DNAJC7: variants seen among roughly 807,000 people sequenced by gnomAD.
DNAJC7 encodes the protein dnaJ homolog subfamily C member 7.
In DNAJC7, 18 loss-of-function variants were observed where a neutral mutation model predicts 67.4. The ratio of observed to expected loss-of-function variants is 0.27; its 90% CI spans 0.18 to 0.40. DNAJC7 has a LOEUF of 0.40. Among genes scored for constraint, DNAJC7 ranks in the 10% least tolerant of loss-of-function variants. The pLI is 1.00. For synonymous variants in DNAJC7, 220 were observed against 207.8 expected, an observed-to-expected ratio of 1.06 and a Z score of -0.50; for missense variants, 419 against 613.8, an observed-to-expected ratio of 0.68 and a Z score of 3.35.
intron 4 of DNAJC7, 52 bp downstream of exon 4, chr17:41,996,259 T>TC: frequency 6.3e-7 from 1 of 1,585,704 alleles, no homozygotes; most frequent in East Asian, 2.2e-5. Context: ...TAGCCACTCC[T>TC]CCCAAATATA....
chr17:42,005,357 A>G (rs191146314), intron 1 of DNAJC7, among the ~76,000 whole-genome samples: 2 of 152,362 alleles, frequency 1.3e-5, no homozygotes, highest in Admixed American at 1.3e-4. Context: ...CCCAAATTAG[A>G]TGCCCTATAA....
chr17:42,008,601 G>A (rs567269810), intron 1 of DNAJC7, among the ~76,000 whole-genome samples: 1 of 151,954 alleles, frequency 6.6e-6, no homozygotes, highest in Admixed American at 6.6e-5. Flanking sequence ...TAGTAGAGAC[G>A]GGGTTTCACC....
intron 1 of DNAJC7, among the ~76,000 whole-genome samples, chr17:42,006,795 T>TAAAAAAAA (rs1555650363): frequency 1.1e-3 from 2 of 1,774 alleles, no homozygotes; most frequent in East Asian, 8.9e-3. Context: ...AGACTCCGTC[T>TAAAAAAAA]CAAAAAAAAA....
At chr17:41,982,480 G>T in intron 10 of DNAJC7, 79 bp from the exon 11 acceptor site, 1 of 1,540,374 alleles carries the variant, frequency 6.5e-7, no homozygotes, top group Non-Finnish European at 8.8e-7. Context: ...AGCTGCCTGG[G>T]AGTTAGAGGC....
intron 2 of DNAJC7, 83 bp downstream of exon 2, chr17:42,000,399 G>A (rs1224240560): frequency 1.6e-5 from 17 of 1,030,464 alleles, no homozygotes; most frequent in East Asian, 1.0e-4. Context: ...GATTACAGGC[G>A]TGAGCCACCA....
At position 42,017,348 on chromosome 17, in the gene DNAJC7, C is replaced by T. The variant is rs2052332858; in HGVS notation, c.69G>A (p.Glu23=). 1.1e-5 allele frequency: 18 copies of T among 1,611,860 alleles called. 1 individual carries two copies. The highest frequency in any genetic ancestry group is 1.4e-5 in the Non-Finnish European group (16 of 1,179,890). Residue 23 remains glutamate (E), a synonymous_variant, in exon 1 of 14, where the codon GAG becomes GAA. Transcript: ENST00000457167. ...ATEPELLDDQ[E]AKREAETFKE... ...CCCTGCTACCCGGTTACCTCTTCGC[C>T]TCTTGGTCGTCGAGCAGCTCCGGCT...
At chr17:41,986,530 C>CTTT (rs74268062) in intron 9 of DNAJC7, among the ~76,000 whole-genome samples, 2 of 128,692 alleles carry the variant, frequency 1.6e-5, no homozygotes, top group Non-Finnish European at 3.3e-5. Context: ...CTCCCCCCGC[C>CTTT]TTTTTTTTTT....
chr17:41,992,285 G>A (rs2051529214), intron 5 of DNAJC7, among the ~76,000 whole-genome samples: 1 of 152,108 alleles, frequency 6.6e-6, no homozygotes, highest in Admixed American at 6.6e-5. Context: ...CAATTCTCCT[G>A]CCTTTGCCCT....
chr17:41,976,853 AG>A, intron 13 of DNAJC7, 83 bp from the exon 14 acceptor site: 1 of 1,538,108 alleles, frequency 6.5e-7, no homozygotes, highest in Non-Finnish European at 8.8e-7. Context: ...AAAGTCTTCA[AG>A]GGCTGCTTCA....
intron 12 of DNAJC7, chr17:41,977,526 A>G (rs1555645180): frequency 6.3e-6 from 3 of 473,786 alleles, no homozygotes; most frequent in East Asian, 3.6e-5. Context: ...CTCCTAGGAC[A>G]TGTTCCCTTC....
At chr17:42,009,402 A>T (rs1370687973) in intron 1 of DNAJC7, among the ~76,000 whole-genome samples, 1 of 152,254 alleles carries the variant, frequency 6.6e-6, no homozygotes, top group Non-Finnish European at 1.5e-5. Context: ...AGGGACGGAC[A>T]CCAGCCAGCA....
At chr17:42,016,745 A>C (rs1321387968) in intron 1 of DNAJC7, 1 of 174,280 alleles carries the variant, frequency 5.7e-6, no homozygotes, top group Non-Finnish European at 1.2e-5. Flanking sequence ...ACAGGGGAAG[A>C]GGAGTCTGAC....
At position 41,983,631 on chromosome 17, in the gene DNAJC7, A is replaced by G. The variant is rs782128553; in HGVS notation, c.1016T>C (p.Met339Thr). 3.7e-6 allele frequency: 6 copies of G among 1,602,242 alleles called. No individual in the cohort carries two copies. The highest frequency in any genetic ancestry group is 4.3e-6 in the Non-Finnish European group (5 of 1,173,584). The change falls in exon 10 of 14, where the codon ATG becomes ACG. Residue 339 changes from methionine to threonine, a missense_variant. By Grantham distance (81) the Met-to-Thr change is moderately conservative. Around this residue, in one of 4 missense-constraint regions of DNAJC7, gnomAD observed 161 missense variants for 252.2 expected, o/e 0.64. Coordinates refer to ENST00000457167, the MANE Select transcript of DNAJC7 (RefSeq NM_003315.4). Reference protein sequence around the residue: ...KAYLRRAQCYMDTEQYEEAVR... With the variant: ...KAYLRRAQCYTDTEQYEEAVR... Reference sequence around the variant, plus strand: ...TGCTTCTTCATACTGTTCTGTGTCCATGTAACTGAGAAGGAAATACAAGGC... The same window carrying G: ...TGCTTCTTCATACTGTTCTGTGTCCGTGTAACTGAGAAGGAAATACAAGGC...
chr17:42,000,275 GGCCCAGCTAATTTTTGTATTTTCAGTAGA>G (rs2051773537), intron 2 of DNAJC7, among the ~76,000 whole-genome samples, 178 bp downstream of exon 2: 1 of 150,462 alleles, frequency 6.6e-6, no homozygotes, highest in South Asian at 2.1e-4. Flanking sequence ...CCCGCCACCA[GGCCCAGCTAATTTTTGTATTTTCAGTAGA>G]GACGGGGTTT....
intron 6 of DNAJC7, 29 bp from the exon 7 acceptor site, chr17:41,989,586 G>C (rs767065210): frequency 6.2e-7 from 1 of 1,610,820 alleles, no homozygotes; most frequent in Non-Finnish European, 8.5e-7. Flanking sequence ...GGCACATTGA[G>C]CTGTGCTTTA....
At chr17:41,985,401 CAG>C (rs1256746504) in intron 9 of DNAJC7, 1 of 144,838 alleles carries the variant, frequency 6.9e-6, no homozygotes, top group Non-Finnish European at 1.5e-5. Flanking sequence ...GCCTGGGTGA[CAG>C]AGCTGGATCC....
chr17:42,015,372 C>G (rs1243763058), intron 1 of DNAJC7: 1 of 152,112 alleles, frequency 6.6e-6, no homozygotes, highest in African/African-American at 2.4e-5. Flanking sequence ...GGTCACATTA[C>G]AGCATAACCT....
At position 41,997,212 on chromosome 17, in the gene DNAJC7, T is replaced by C. The variant is rs1555648796; in HGVS notation, c.194A>G (p.Tyr65Cys). 1 of 1,613,838 alleles carries C rather than the reference T, an allele frequency of 6.2e-7. No homozygotes were observed. ...IDMCPKNASY[Y>C]GNRAATLMML... ...CATCAAGGTGGCTGCTCGATTACCATAATAGCTAGCATTTTTAGGACACAT... is the reference window on the plus strand; with the variant it reads ...CATCAAGGTGGCTGCTCGATTACCACAATAGCTAGCATTTTTAGGACACAT... Residue 65 changes from tyrosine (Y) to cysteine (C), a missense_variant, in exon 3 of 14, where the codon TAT becomes TGT. By Grantham distance (194) the Tyr-to-Cys change is radical (BLOSUM62 -2). Coordinates refer to ENST00000457167, the MANE Select transcript of DNAJC7 (RefSeq NM_003315.4).
At chr17:41,978,930 T>TAAG (rs1317868959) in intron 12 of DNAJC7, among the ~76,000 whole-genome samples, 13 of 152,102 alleles carry the variant, frequency 8.5e-5, no homozygotes, top group African/African-American at 1.2e-4. Flanking sequence ...TAGATCTTCT[T>TAAG]AACTGCTAGG....
Sources: gnomAD v4.1 joint callset for allele counts (sites outside exome capture counted in the v4.1 genomes callset) on GRCh38, gnomAD v4.1.1 for gene constraint, gnomAD v4.1.1 regional missense constraint, MANE v1.5 for transcripts, NCBI Gene and HGNC (gene_info 2026-07-23, HGNC 2026-07-21) for gene names.